LRRC49: variants seen among roughly 807,000 people sequenced by gnomAD.
LRRC49 encodes the protein leucine-rich repeat-containing protein 49.
In LRRC49, 50 loss-of-function variants were observed where a neutral mutation model predicts 83.3. That is an observed-to-expected ratio of 0.60 (90% CI 0.48 to 0.76). LRRC49 has a LOEUF of 0.76. LRRC49 is among the 30% of genes least tolerant of loss of function. The probability of loss-of-function intolerance (pLI) is 0.00; values close to 1 mark genes in which losing one functional copy is unlikely to be tolerated. For synonymous variants in LRRC49, 286 were observed against 283.3 expected, an observed-to-expected ratio of 1.01 and a Z score of -0.10; for missense variants, 704 against 809.1, an observed-to-expected ratio of 0.87 and a Z score of 1.58.
At chr15:71,049,054 C>T (rs2039942929) in intron 15 of LRRC49, among the ~76,000 whole-genome samples, 1 of 152,132 alleles carries the variant, frequency 6.6e-6, no homozygotes, top group Admixed American at 6.5e-5. Flanking sequence ...GATACATTTA[C>T]CACAGGAATC....
chr15:70,905,594 C>T (rs1181238666), intron 5 of LRRC49, among the ~76,000 whole-genome samples: 1 of 152,176 alleles, frequency 6.6e-6, no homozygotes, highest in East Asian at 1.9e-4. Context: ...ACAACTTTTA[C>T]ATGACACAAG....
chr15:71,002,314 G>A (rs2038287430), intron 11 of LRRC49, among the ~76,000 whole-genome samples: 1 of 151,666 alleles, frequency 6.6e-6, no homozygotes, highest in Non-Finnish European at 1.5e-5. Flanking sequence ...TTGGCTTATG[G>A]GGGGGGCGTG....
chr15:70,956,822 T>G (rs2036417705), intron 8 of LRRC49, among the ~76,000 whole-genome samples: 1 of 152,226 alleles, frequency 6.6e-6, no homozygotes. Flanking sequence ...TACAGATTTA[T>G]TTTTACTTTA....
chr15:70,874,017 A>G (rs2141078723), intron 2 of LRRC49, among the ~76,000 whole-genome samples: 1 of 152,296 alleles, frequency 6.6e-6, no homozygotes, highest in Admixed American at 6.5e-5. Context: ...GAAACTCTAC[A>G]TTTCCTGGGT....
At chr15:70,932,158 T>C (rs1009395918) in intron 7 of LRRC49, among the ~76,000 whole-genome samples, 5 of 152,204 alleles carry the variant, frequency 3.3e-5, no homozygotes, top group Non-Finnish European at 7.3e-5. Context: ...TATTGCTGTG[T>C]AATGGGTAGT....
At chr15:71,035,508 C>G (rs958646814) in intron 14 of LRRC49, among the ~76,000 whole-genome samples, 3 of 152,088 alleles carry the variant, frequency 2.0e-5, no homozygotes, top group Non-Finnish European at 2.9e-5. Context: ...CCCTCCACCC[C>G]CTGACAGGCC....
intron 15 of LRRC49, among the ~76,000 whole-genome samples, chr15:71,040,904 G>C (rs1011038982): frequency 2.2e-4 from 34 of 151,494 alleles, no homozygotes; most frequent in Non-Finnish European, 4.4e-4. Context: ...CATGTTTTGA[G>C]AGGCCCACAT....
chr15:70,951,613 T>C (rs931962942), intron 8 of LRRC49, among the ~76,000 whole-genome samples: 1 of 152,166 alleles, frequency 6.6e-6, no homozygotes. Context: ...TGATTTTGTA[T>C]CCTGAAACTT....
At chr15:70,986,947 G>C (rs1393974912) in intron 11 of LRRC49, among the ~76,000 whole-genome samples, 3 of 152,072 alleles carry the variant, frequency 2.0e-5, no homozygotes, top group African/African-American at 4.8e-5. Flanking sequence ...TTATTGATTT[G>C]CGTATATTGA....
intron 11 of LRRC49, among the ~76,000 whole-genome samples, chr15:70,994,237 T>C (rs909188873): frequency 6.6e-6 from 1 of 152,190 alleles, no homozygotes; most frequent in Non-Finnish European, 1.5e-5. Flanking sequence ...CTTTTAAAAA[T>C]TAAACTTCTT....
intron 14 of LRRC49, among the ~76,000 whole-genome samples, chr15:71,021,245 G>T (rs1186114397): frequency 1.3e-5 from 2 of 152,240 alleles, no homozygotes; most frequent in African/African-American, 2.4e-5. Flanking sequence ...AGCATATGTA[G>T]TCGGAAGGAG....
intron 1 of LRRC49, among the ~76,000 whole-genome samples, chr15:70,865,332 C>T (rs1449782651): frequency 6.6e-6 from 1 of 150,560 alleles, no homozygotes; most frequent in Non-Finnish European, 1.5e-5. Context: ...CATCTTTTTT[C>T]ACCTCTCAGT....
intron 7 of LRRC49, among the ~76,000 whole-genome samples, chr15:70,925,011 T>C (rs548398384): frequency 6.6e-6 from 1 of 152,172 alleles, no homozygotes; most frequent in Non-Finnish European, 1.5e-5. Context: ...AGATTTACTA[T>C]GATATGTTTA....
At chr15:70,926,641 T>G (rs1006637707) in intron 7 of LRRC49, among the ~76,000 whole-genome samples, 1 of 152,144 alleles carries the variant, frequency 6.6e-6, no homozygotes, top group Admixed American at 6.5e-5. Context: ...TAATATTAGG[T>G]ATATCTCCTA....
At chr15:70,888,456 G>T (rs1221912721), upstream of LRRC49, among the ~76,000 whole-genome samples, 2 of 152,106 alleles carry the variant, frequency 1.3e-5, no homozygotes, top group Admixed American at 6.5e-5. Flanking sequence ...AGTCAAATGG[G>T]TATCAATGTT....
chr15:70,973,470 A>C (rs185065469), intron 9 of LRRC49, among the ~76,000 whole-genome samples: 122 of 152,316 alleles, frequency 8.0e-4, no homozygotes, highest in African/African-American at 2.9e-3. Context: ...TCAGGGACCC[A>C]CTTGAGGAGG....
chr15:70,940,949 T>C (rs917633825), intron 8 of LRRC49, among the ~76,000 whole-genome samples: 3 of 152,158 alleles, frequency 2.0e-5, no homozygotes, highest in African/African-American at 7.2e-5. Flanking sequence ...TTTAATTGCA[T>C]TTTTCTAAAT....
chr15:70,893,487 AT>A lies in LRRC49; in HGVS notation c.49-90del. 9 of 739,694 alleles carry A rather than the reference AT, an allele frequency of 1.2e-5. No homozygotes were observed. The South Asian group carries it at 1.3e-4, about 11-fold the overall frequency. 45.8% of individuals were successfully genotyped at this position (739,694 alleles called of 1,614,324 possible). On this transcript the variant is annotated intron_variant, in intron 1 of 15. Transcript: ENST00000260382. ...AAACAGAAATAGAGCATTGTGTTCT[AT>A]TTTTTTGTTGTATTTCTGTTTGTAC... is the stretch of plus-strand genomic sequence containing the variant.
chr15:70,925,813 C>A (rs1320790365), intron 7 of LRRC49, among the ~76,000 whole-genome samples: 1 of 152,112 alleles, frequency 6.6e-6, no homozygotes, highest in Non-Finnish European at 1.5e-5. Flanking sequence ...TTCCTTCATA[C>A]TTTATTGAGG....
Sources: gnomAD v4.1 joint callset for allele counts (sites outside exome capture counted in the v4.1 genomes callset) on GRCh38, gnomAD v4.1.1 for gene constraint, MANE v1.5 for transcripts, NCBI Gene and HGNC (gene_info 2026-07-23, HGNC 2026-07-21) for gene names.